Variants in NDST3 observed in about 807,000 individuals in gnomAD.
NDST3 encodes bifunctional heparan sulfate N-deacetylase/N-sulfotransferase 3.
Under a neutral mutation model 96.1 loss-of-function variants are expected in NDST3, and 58 were observed. That is an observed-to-expected ratio of 0.60 (90% CI 0.49 to 0.75). NDST3 has a LOEUF of 0.75. Among genes scored for constraint, NDST3 ranks in the 30% least tolerant of loss-of-function variants. The pLI is 0.00. For missense variants in NDST3, 788 were observed against 1,034.2 expected (o/e 0.76, Z 3.27); for synonymous variants, 333 against 359.7 (o/e 0.93, Z 0.84).
intron 3 of NDST3, among the ~76,000 whole-genome samples, chr4:118,109,315 G>A (rs114965274): frequency 1.7e-3 from 254 of 152,328 alleles, no homozygotes; most frequent in African/African-American, 5.8e-3. Context: ...TTTAGGGGGA[G>A]AGGGAGAGAG....
chr4:118,072,033 G>A (rs1230080909), intron 2 of NDST3, among the ~76,000 whole-genome samples: 2 of 151,886 alleles, frequency 1.3e-5, no homozygotes, highest in East Asian at 3.9e-4. Flanking sequence ...AAGATCAGAT[G>A]GTTGTAAGTG....
intron 2 of NDST3, among the ~76,000 whole-genome samples, chr4:118,092,471 C>T (rs1351711905): frequency 6.6e-6 from 1 of 151,786 alleles, no homozygotes; most frequent in Admixed American, 6.6e-5. Context: ...TCTGATTCCT[C>T]AAGTCAGCTG....
At chr4:118,146,663 A>C (rs926792290) in intron 6 of NDST3, among the ~76,000 whole-genome samples, 1 of 152,256 alleles carries the variant, frequency 6.6e-6, no homozygotes, top group Non-Finnish European at 1.5e-5. Flanking sequence ...AACAAAATAG[A>C]GAATTACAAA....
intron 13 of NDST3, among the ~76,000 whole-genome samples, chr4:118,254,212 T>G (rs1741960133): frequency 6.9e-6 from 1 of 144,100 alleles, no homozygotes. Context: ...ACCATTGCGC[T>G]CCAGCCTGGG....
At chr4:118,035,089 C>A (rs1359097859) in intron 1 of NDST3, among the ~76,000 whole-genome samples, 1 of 152,102 alleles carries the variant, frequency 6.6e-6, no homozygotes, top group Non-Finnish European at 1.5e-5. Context: ...AATACAGAAA[C>A]TTTAAATTTA....
intron 13 of NDST3, 67 bp downstream of exon 13, chr4:118,253,668 C>A: frequency 9.4e-7 from 1 of 1,063,170 alleles, no homozygotes; most frequent in Non-Finnish European, 1.4e-6. Context: ...CATCTACTTT[C>A]TTAAAAAACT....
chr4:118,206,276 G>GTATT lies in NDST3; in HGVS notation c.1540-18206_1540-18203dup, dbSNP rs1309588287. On this transcript the variant is annotated intron_variant, in intron 6 of 13. Coordinates refer to ENST00000296499, the MANE Select transcript of NDST3 (RefSeq NM_004784.3). ...CCAAAATCCAGTTATTATAATAGAA[G>GTATT]TATTTATTTATTCTGAGTGTACACT... 2.8e-5 allele frequency among the ~76,000 whole-genome samples: 4 copies of GTATT among 144,662 alleles called. No homozygotes were observed. In the East Asian group the frequency reaches 7.9e-4, roughly 29 times the overall value. The allele number at this position is 144,662 out of a possible 152,430, so 94.9% of individuals were successfully genotyped here. A position where few individuals can be genotyped will look rare whatever the true frequency, so the allele number is the denominator to read the frequency against.
intron 3 of NDST3, among the ~76,000 whole-genome samples, chr4:118,107,874 G>A (rs977884084): frequency 1.3e-5 from 2 of 152,128 alleles, no homozygotes; most frequent in Non-Finnish European, 2.9e-5. Context: ...ATAGTAATGG[G>A]TAACTATGAA....
At chr4:118,099,600 T>C (rs1328975884) in intron 2 of NDST3, among the ~76,000 whole-genome samples, 1 of 152,096 alleles carries the variant, frequency 6.6e-6, no homozygotes, top group Non-Finnish European at 1.5e-5. Context: ...GGAGTTTAAA[T>C]ACTGTTGCAA....
rs1488353656 is a variant in NDST3, at chr4:118,230,151, T to C, written c.1820-2861T>C. The stretch of plus-strand genomic sequence containing the variant: ...TTCAAAAAACATGCTTTTTCTACTT[T>C]ACCGTGGATTTCATGTAATGGAGCT... On this transcript the variant is annotated intron_variant, in intron 8 of 13. Coordinates refer to ENST00000296499, the MANE Select transcript of NDST3 (RefSeq NM_004784.3). Among the ~76,000 whole-genome samples, 3 of 152,222 alleles carry C rather than the reference T, an allele frequency of 2.0e-5. No homozygotes were observed. The East Asian group carries it at 5.8e-4, about 29-fold the overall frequency.
intron 6 of NDST3, among the ~76,000 whole-genome samples, chr4:118,152,989 C>T (rs1734497006): frequency 6.6e-6 from 1 of 152,148 alleles, no homozygotes; most frequent in Non-Finnish European, 1.5e-5. Flanking sequence ...TCCCCACATG[C>T]CCCCCACTTC....
rs1362416959 is a variant in NDST3 at position 118,162,331 on chromosome 4, G to A, written c.1539+18647G>A. Among the ~76,000 whole-genome samples, 11 of 152,208 alleles carry A rather than the reference G, an allele frequency of 7.2e-5. 1 individual carries two copies. In the Middle Eastern group the frequency reaches 0.017, roughly 235 times the overall value. On this transcript the variant is annotated intron_variant, in intron 6 of 13. Transcript: ENST00000296499. ...CAAAGAACAAAGCTGGAGGCATCAC[G>A]CTACCTGACTTCAAACTATACTACA...
Position 118,107,623 on chromosome 4 carries a change from T to C in NDST3, c.1069+2518T>C, listed in dbSNP as rs538089834. Among the ~76,000 whole-genome samples the C allele has an allele frequency of 2.0e-3, 307 of 152,176 alleles. 2 individuals are homozygous for C. The highest frequency in any genetic ancestry group is 3.5e-3 in the Admixed American group (54 of 15,278). On this transcript the variant is annotated intron_variant, in intron 3 of 13. Coordinates refer to ENST00000296499, the MANE Select transcript of NDST3 (RefSeq NM_004784.3). ...TGATTAGAATATGTTCCCATTTGTATAAAAATAAAAGAGGAGGTGAAATCT... is the reference window on the plus strand; with the variant it reads ...TGATTAGAATATGTTCCCATTTGTACAAAAATAAAAGAGGAGGTGAAATCT...
intron 4 of NDST3, among the ~76,000 whole-genome samples, chr4:118,134,110 C>A (rs1482514986): frequency 6.6e-6 from 1 of 152,136 alleles, no homozygotes; most frequent in Non-Finnish European, 1.5e-5. Flanking sequence ...GAATAAATTA[C>A]CTTCAGATTT....
chr4:118,058,715 C>A, intron 2 of NDST3, among the ~76,000 whole-genome samples: 1 of 151,212 alleles, frequency 6.6e-6, no homozygotes, highest in East Asian at 2.0e-4. Context: ...ATTTCAAGTT[C>A]CTTGTGATCT....
chr4:118,040,314 T>C (rs1424882570), intron 1 of NDST3, among the ~76,000 whole-genome samples: 2 of 152,144 alleles, frequency 1.3e-5, no homozygotes, highest in Non-Finnish European at 2.9e-5. Context: ...TGAATGAACA[T>C]TCAGAATTTA....
At chr4:118,089,377 A>G (rs1404955217) in intron 2 of NDST3, among the ~76,000 whole-genome samples, 1 of 151,776 alleles carries the variant, frequency 6.6e-6, no homozygotes, top group Admixed American at 6.6e-5. Context: ...TAAGGAATAC[A>G]TGTTATCCTG....
At chr4:118,220,548 T>G (rs903708641) in intron 6 of NDST3, among the ~76,000 whole-genome samples, 6 of 152,004 alleles carry the variant, frequency 3.9e-5, no homozygotes, top group African/African-American at 1.4e-4. Flanking sequence ...CAAACCACCA[T>G]GGCAAACGTA....
At chr4:118,160,181 A>G (rs1734997095) in intron 6 of NDST3, among the ~76,000 whole-genome samples, 2 of 152,306 alleles carry the variant, frequency 1.3e-5, no homozygotes, top group South Asian at 4.1e-4. Context: ...TTCATCACAT[A>G]AAAGGGAGCC....
Sources: allele counts gnomAD v4.1 joint callset (sites outside exome capture counted in the v4.1 genomes callset), GRCh38; gene constraint gnomAD v4.1.1; transcripts MANE v1.5; gene names NCBI Gene and HGNC (gene_info 2026-07-23, HGNC 2026-07-21).